EXO1: variants seen among roughly 807,000 people sequenced by gnomAD.
The protein encoded by EXO1 is exonuclease 1.
A neutral mutation model predicts 84.5 loss-of-function variants in EXO1; 69 were observed. The observed-to-expected ratio is 0.82, with a 90% CI of 0.67 to 1.00. EXO1 has a LOEUF of 1.00. Among genes scored for constraint, EXO1 ranks in the 50% least tolerant of loss-of-function variants. EXO1 has a pLI of 0.00. For missense variants in EXO1, 1,045 were observed against 1,000.7 expected, an observed-to-expected ratio of 1.04 and a Z score of -0.60; for synonymous variants, 373 against 366.1, an observed-to-expected ratio of 1.02 and a Z score of -0.21.
chr1:241,866,680 AG>A, intron 10 of EXO1, 149 bp from the exon 11 acceptor site: 1 of 687,364 alleles, frequency 1.5e-6, no homozygotes, highest in Non-Finnish European at 2.6e-6. Context: ...CCAGCAAAGT[AG>A]GAAATGTTAT....
At chr1:241,867,097 A>C (rs746018553) in intron 11 of EXO1, 42 bp downstream of exon 11, 1 of 1,398,488 alleles carries the variant, frequency 7.2e-7, no homozygotes, top group Non-Finnish European at 1.0e-6. Flanking sequence ...AATATTGGTC[A>C]TATTTAAAGA....
intron 15 of EXO1, among the ~76,000 whole-genome samples, chr1:241,886,906 G>A (rs1635485): frequency 0.95 from 143,997 of 152,116 alleles, 68,320 homozygotes; most frequent in Non-Finnish European, 0.98. Context: ...GCTTAATAGA[G>A]CTCAGCCGGA....
intron 10 of EXO1, among the ~76,000 whole-genome samples, chr1:241,866,000 A>AT (rs1398291888): frequency 6.6e-6 from 1 of 151,352 alleles, no homozygotes; most frequent in Non-Finnish European, 1.5e-5. Context: ...GATTGTAATG[A>AT]TTTTTTTTGT....
chr1:241,876,786 A>T (rs1662426521), intron 12 of EXO1, among the ~76,000 whole-genome samples: 1 of 152,186 alleles, frequency 6.6e-6, no homozygotes, highest in Non-Finnish European at 1.5e-5. Flanking sequence ...TACTGGTGAT[A>T]GGAAGATTCC....
At chr1:241,855,134 A>G (rs902167905) in intron 6 of EXO1, among the ~76,000 whole-genome samples, 2 of 152,302 alleles carry the variant, frequency 1.3e-5, no homozygotes, top group South Asian at 4.1e-4. Context: ...GTGGGTTGCC[A>G]CTGCTGGCTG....
At chr1:241,875,461 G>A (rs1394041842) in intron 12 of EXO1, among the ~76,000 whole-genome samples, 2 of 152,178 alleles carry the variant, frequency 1.3e-5, no homozygotes, top group Non-Finnish European at 2.9e-5. Flanking sequence ...GGAAACAGTT[G>A]CAATACAATA....
intron 15 of EXO1, among the ~76,000 whole-genome samples, chr1:241,887,980 G>T (rs1663161820): frequency 6.6e-6 from 1 of 152,112 alleles, no homozygotes; most frequent in Non-Finnish European, 1.5e-5. Context: ...AATGACCTTA[G>T]TGTCACACAT....
chr1:241,870,263 A>C (rs1003542677), intron 11 of EXO1, among the ~76,000 whole-genome samples: 1 of 152,194 alleles, frequency 6.6e-6, no homozygotes, highest in African/African-American at 2.4e-5. Flanking sequence ...TCCCCTTTCT[A>C]TACACACAAA....
At chr1:241,862,272 G>A (rs1215127355) in intron 10 of EXO1, among the ~76,000 whole-genome samples, 1 of 152,146 alleles carries the variant, frequency 6.6e-6, no homozygotes, top group African/African-American at 2.4e-5. Flanking sequence ...CTTCAGTATT[G>A]TATGTATTCC....
At chr1:241,861,760 C>A (rs1178899848) in intron 10 of EXO1, among the ~76,000 whole-genome samples, 2 of 152,140 alleles carry the variant, frequency 1.3e-5, no homozygotes, top group East Asian at 3.8e-4. Flanking sequence ...TTTGAATATA[C>A]CAAGCATTTG....
chr1:241,870,040 G>T (rs918661703), intron 11 of EXO1, among the ~76,000 whole-genome samples: 1 of 152,150 alleles, frequency 6.6e-6, no homozygotes, highest in Non-Finnish European at 1.5e-5. Context: ...TTGAACTCCT[G>T]ACCTCGTGAT....
intron 15 of EXO1, among the ~76,000 whole-genome samples, chr1:241,887,806 T>G (rs940998139): frequency 1.4e-4 from 21 of 152,088 alleles, no homozygotes; most frequent in Non-Finnish European, 8.8e-5. Flanking sequence ...GCCTTACTAA[T>G]TTTTATATTT....
At chr1:241,860,180 G>T (rs1443985852) in intron 8 of EXO1, among the ~76,000 whole-genome samples, 1 of 152,022 alleles carries the variant, frequency 6.6e-6, no homozygotes, top group Non-Finnish European at 1.5e-5. Context: ...CTCAGATTTT[G>T]GATGTTCTTT....
intron 6 of EXO1, among the ~76,000 whole-genome samples, chr1:241,856,597 A>G (rs545943029): frequency 2.6e-5 from 4 of 152,248 alleles, no homozygotes; most frequent in African/African-American, 9.6e-5. Flanking sequence ...CTATAATTTT[A>G]TCAATACTGT....
chr1:241,886,765 A>G (rs1160386300), intron 15 of EXO1, among the ~76,000 whole-genome samples: 5 of 152,200 alleles, frequency 3.3e-5, no homozygotes, highest in African/African-American at 1.2e-4. Context: ...CTATTACATG[A>G]ATGTAGATAG....
chr1:241,855,115 G>A (rs1015626522), intron 6 of EXO1, among the ~76,000 whole-genome samples: 2 of 152,182 alleles, frequency 1.3e-5, no homozygotes, highest in African/African-American at 4.8e-5. Context: ...GGTGTGGAAG[G>A]GGACCTAAGT....
chr1:241,855,940 A>G (rs2995542), intron 6 of EXO1, among the ~76,000 whole-genome samples: 124,665 of 151,944 alleles, frequency 0.82, 51,338 homozygotes, highest in East Asian at 0.94. Flanking sequence ...GCGCAGCCCC[A>G]GTTCTCGCTG....
At chr1:241,867,083 G>T (rs757374894) in intron 11 of EXO1, 28 bp downstream of exon 11, 95 of 1,452,932 alleles carry the variant, frequency 6.5e-5, no homozygotes, top group Non-Finnish European at 8.8e-5. Context: ...GCAAAATGCT[G>T]GTGAATATTG....
chr1:241,858,573 G>T lies in EXO1; in HGVS notation c.611G>T (p.Arg204Ile). The change falls in exon 8 of 16, where the codon AGA becomes ATA. Residue 204 changes from arginine (R) to isoleucine (I), a missense_variant. By Grantham distance (97) the Arg-to-Ile change is moderately conservative. Coordinates refer to ENST00000366548, the MANE Select transcript of EXO1 (RefSeq NM_130398.4). ...EIDQARLGMC[R>I]QLGDVFTEEK... ...GATCAAGCTCGGCTAGGAATGTGCA[G>T]ACAGCTTGGGGATGTATTCACGGAA... 1 of 1,614,116 alleles carries T rather than the reference G, an allele frequency of 6.2e-7. No individual in the cohort carries two copies. The highest frequency in any genetic ancestry group is 8.5e-7 in the Non-Finnish European group (1 of 1,179,980).
Sources: allele counts gnomAD v4.1 joint callset (sites outside exome capture counted in the v4.1 genomes callset), GRCh38; gene constraint gnomAD v4.1.1; transcripts MANE v1.5; gene names NCBI Gene and HGNC (gene_info 2026-07-23, HGNC 2026-07-21).